Variants in ABCB10 observed in about 807,000 individuals in gnomAD.
ABCB10 encodes ATP-binding cassette sub-family B member 10, mitochondrial.
A neutral mutation model predicts 65.4 loss-of-function variants in ABCB10; 54 were observed. The ratio of observed to expected loss-of-function variants is 0.83; its 90% CI spans 0.66 to 1.04. ABCB10 has a LOEUF of 1.04. Ranked by LOEUF, ABCB10 falls within the 50% of genes least tolerant of loss-of-function variation. ABCB10 has a pLI of 0.00. For missense variants in ABCB10, 846 were observed against 976.6 expected (o/e 0.87, Z 1.78); for synonymous variants, 418 against 406.5 (o/e 1.03, Z -0.34).
intron 10 of ABCB10, among the ~76,000 whole-genome samples, chr1:229,524,275 C>CCTCA (rs954436183): frequency 1.3e-5 from 2 of 151,998 alleles, no homozygotes; most frequent in African/African-American, 4.8e-5. Flanking sequence ...AGTACTCCTA[C>CCTCA]CTCAGCCTCC....
chr1:229,558,145 T>C lies in ABCB10; in HGVS notation c.508A>G (p.Arg170Gly). 7.1e-7 allele frequency: 1 copy of C among 1,413,478 alleles called. No homozygotes were observed. Among genetic ancestry groups the C allele is most frequent in the Non-Finnish European group, 9.2e-7 (1 of 1,086,644 alleles). 87.6% of individuals were successfully genotyped at this position (1,413,478 alleles called of 1,614,324 possible). The change falls in exon 1 of 13, where the codon AGG (arginine) becomes GGG (glycine). Residue 170 changes from arginine (R) to glycine (G), a missense_variant. Coordinates refer to ENST00000344517, the MANE Select transcript of ABCB10 (RefSeq NM_012089.3). ...CCGGGGAGGACCCTACCTGCCAGCCTCCGGCGCTCAGGGTACGCCAGCCCC... is the reference window on the plus strand; with the variant it reads ...CCGGGGAGGACCCTACCTGCCAGCCCCCGGCGCTCAGGGTACGCCAGCCCC... Reference protein sequence around the residue: ...LLGLAYPERRRLAAAVGFLTM... With the variant: ...LLGLAYPERRGLAAAVGFLTM...
At chr1:229,536,684 G>A (rs1418919931) in intron 6 of ABCB10, among the ~76,000 whole-genome samples, 2 of 152,118 alleles carry the variant, frequency 1.3e-5, no homozygotes, top group African/African-American at 2.4e-5. Context: ...GCCCAGTTGC[G>A]GTGGCTCATG....
chr1:229,549,795 TCC>T (rs1439834583), intron 1 of ABCB10: 1 of 259,512 alleles, frequency 3.9e-6, no homozygotes, highest in African/African-American at 2.2e-5. Flanking sequence ...GTATTTTTCC[TCC>T]ATTCATGCTA....
rs1169285369 is a variant in ABCB10, at chr1:229,518,998, GC to G, written c.1951-124del. 3 of 739,822 alleles carry G rather than the reference GC, an allele frequency of 4.1e-6. No homozygotes were observed. In the African/African-American group the frequency reaches 5.4e-5, roughly 13 times the overall value. 45.8% of individuals were successfully genotyped at this position (739,822 alleles called of 1,614,324 possible). A position where few individuals can be genotyped will look rare whatever the true frequency, so the allele number is the denominator to read the frequency against. ...ATGTGGATGAGCCTTGGAAACTTAT[GC>G]TAAGTGAAAGAAGCCAGACACAAAG... is the stretch of plus-strand genomic sequence containing the variant. On this transcript the variant is annotated intron_variant, in intron 11 of 12. Coordinates refer to ENST00000344517, the MANE Select transcript of ABCB10 (RefSeq NM_012089.3).
chr1:229,531,546 C>T, intron 7 of ABCB10, 90 bp downstream of exon 7: 2 of 1,308,784 alleles, frequency 1.5e-6, no homozygotes, highest in South Asian at 2.5e-5. Context: ...GTGGCTCATC[C>T]CTCACTCCCT....
At position 229,549,319 on chromosome 1, in the gene ABCB10, C is replaced by T; in HGVS notation, c.633G>A (p.Leu211=). The change falls in exon 2 of 13, where the codon CTG becomes CTA. Residue 211 remains leucine, a synonymous_variant. Coordinates refer to ENST00000344517, the MANE Select transcript of ABCB10 (RefSeq NM_012089.3). The part of the protein sequence containing the change: ...TNPTVDYSDN[L]TRLCLGLSAV... ...CACTGAGCCCTAGGCAGAGGCGGGT[C>T]AGGTTGTCGCTGTAGTCCACAGTGG... is the stretch of plus-strand genomic sequence containing the variant. 6.2e-7 allele frequency: 1 copy of T among 1,614,010 alleles called. No individual in the cohort carries two copies. The highest frequency in any genetic ancestry group is 1.3e-5 in the African/African-American group (1 of 74,998).
rs757069996 is a variant in ABCB10 at position 229,549,355 on chromosome 1, G to A, written c.597C>T (p.Ile199=). 1.2e-6 allele frequency: 2 copies of A among 1,614,056 alleles called. No homozygotes were observed. The highest frequency in any genetic ancestry group is 1.7e-6 in the Non-Finnish European group (2 of 1,180,040). ...TGTAGTCCACAGTGGGGTTGGTATA[G>A]ATGACATCAATGATCTTCCCCAGGA... ...PFFLGKIIDV[I]YTNPTVDYSD... The change falls in exon 2 of 13, where the codon ATC becomes ATT. Residue 199 remains isoleucine, a synonymous_variant. Transcript: ENST00000344517.
At chr1:229,521,067 G>GC (rs970989445) in intron 11 of ABCB10, among the ~76,000 whole-genome samples, 13 of 151,324 alleles carry the variant, frequency 8.6e-5, no homozygotes, top group Admixed American at 8.6e-4. Context: ...CAGTAAAGCT[G>GC]CTTTTTTTTT....
rs774917609 is a variant in ABCB10 at position 229,558,129 on chromosome 1, A to G, written c.517+7T>C. The G allele has an allele frequency of 3.0e-5, 42 of 1,388,050 alleles. No individual in the cohort carries two copies. The highest frequency in any genetic ancestry group is 2.3e-4 in the South Asian group (15 of 65,808). 86.0% of individuals were successfully genotyped at this position (1,388,050 alleles called of 1,614,324 possible). A position where few individuals can be genotyped will look rare whatever the true frequency, so the allele number is the denominator to read the frequency against. On this transcript the variant is annotated splice_region_variant and intron_variant, in intron 1 of 12. Coordinates refer to ENST00000344517, the MANE Select transcript of ABCB10 (RefSeq NM_012089.3). ...CGGCGGAGGGAAGTGGCCGGGGAGG[A>G]CCCTACCTGCCAGCCTCCGGCGCTC...
chr1:229,518,387 T>C lies in ABCB10; in HGVS notation c.2009A>G (p.Tyr670Cys). 6.2e-7 allele frequency: 1 copy of C among 1,614,154 alleles called. No individual in the cohort carries two copies. Among genetic ancestry groups the C allele is most frequent in the Non-Finnish European group, 8.5e-7 (1 of 1,180,022 alleles). The change falls in exon 13 of 13, where the codon TAC (tyrosine) becomes TGC (cysteine). Residue 670 changes from tyrosine (Y) to cysteine (C), a missense_variant. Tyr to Cys is a radical substitution (Grantham distance 194, BLOSUM62 -2). Around this residue, in one of 2 missense-constraint regions of ABCB10, gnomAD observed 632 missense variants for 803.2 expected, o/e 0.79. Transcript: ENST00000344517. ...TCGATCTAGAGCTTCTTGAACAAGG[T>C]ACTCATTTTCGGCATCCAGCGCACT... is the stretch of plus-strand genomic sequence containing the variant. ...ATSALDAENE[Y>C]LVQEALDRLM...
intron 10 of ABCB10, among the ~76,000 whole-genome samples, chr1:229,522,860 T>C (rs1432387675): frequency 2.0e-5 from 3 of 151,856 alleles, no homozygotes; most frequent in African/African-American, 4.8e-5. Flanking sequence ...TCTTTTTTTA[T>C]TTTTTTTGAG....
intron 1 of ABCB10, among the ~76,000 whole-genome samples, chr1:229,553,668 C>G (rs983372081): frequency 6.6e-6 from 1 of 151,294 alleles, no homozygotes; most frequent in African/African-American, 2.4e-5. Flanking sequence ...GAATGCCTAA[C>G]CTAGGAGGGC....
In ABCB10 at chr1:229,518,064, T is replaced by C. The variant is rs1311891549; in HGVS notation, c.*115A>G. On this transcript the variant is annotated 3_prime_UTR_variant, in exon 13 of 13. Transcript: ENST00000344517. ...ATCTTTTACACACTTTGGAAAAAAA[T>C]AGGTATTTTTCAAATAACTTGATAT... 3 of 733,478 alleles carry C rather than the reference T, an allele frequency of 4.1e-6. No individual in the cohort carries two copies. Among genetic ancestry groups the C allele is most frequent in the Non-Finnish European group, 6.8e-6 (3 of 443,420 alleles). The allele number at this position is 733,478 out of a possible 1,614,324, so 45.4% of individuals were successfully genotyped here.
chr1:229,555,463 T>C (rs1024340064), intron 1 of ABCB10, among the ~76,000 whole-genome samples: 15 of 152,274 alleles, frequency 9.9e-5, no homozygotes, highest in South Asian at 8.3e-4. Context: ...AGAAGAGGAA[T>C]GTAACACAGT....
chr1:229,534,042 C>T (rs1006391150), intron 6 of ABCB10, among the ~76,000 whole-genome samples: 4 of 152,232 alleles, frequency 2.6e-5, no homozygotes, highest in Middle Eastern at 6.8e-3. Flanking sequence ...AGGATTGCTA[C>T]CCAAAATATA....
chr1:229,520,691 G>A (rs927613547), intron 11 of ABCB10, among the ~76,000 whole-genome samples: 5 of 152,086 alleles, frequency 3.3e-5, no homozygotes, highest in Admixed American at 1.3e-4. Flanking sequence ...AACAAATAGG[G>A]ATCCATCCAT....
At chr1:229,541,949 C>G (rs1290079995) in intron 4 of ABCB10, among the ~76,000 whole-genome samples, 1 of 136,034 alleles carries the variant, frequency 7.4e-6, no homozygotes, top group Non-Finnish European at 1.5e-5. Flanking sequence ...TGTACCTTGT[C>G]TCAAAAAAAA....
intron 9 of ABCB10, among the ~76,000 whole-genome samples, 168 bp from the exon 10 acceptor site, chr1:229,526,284 C>T (rs932988839): frequency 6.6e-6 from 1 of 152,144 alleles, no homozygotes; most frequent in Non-Finnish European, 1.5e-5. Context: ...AGCAGGTGCC[C>T]GCAAGGCACC....
chr1:229,551,149 GACAA>G (rs977155788), intron 1 of ABCB10, among the ~76,000 whole-genome samples: 39 of 152,238 alleles, frequency 2.6e-4, no homozygotes, highest in Admixed American at 2.0e-3. Flanking sequence ...ACATTTAGTC[GACAA>G]ACAGAGTTCT....
Sources: gnomAD v4.1 joint callset for allele counts (sites outside exome capture counted in the v4.1 genomes callset) on GRCh38, gnomAD v4.1.1 for gene constraint, gnomAD v4.1.1 regional missense constraint, MANE v1.5 for transcripts, NCBI Gene and HGNC (gene_info 2026-07-23, HGNC 2026-07-21) for gene names.